Variants in KCTD16 observed in about 807,000 individuals in gnomAD.
KCTD16 encodes potassium channel tetramerization domain containing 16.
A neutral mutation model predicts 33.2 loss-of-function variants in KCTD16; 13 were observed. That is an observed-to-expected ratio of 0.39 (90% CI 0.25 to 0.62). KCTD16 has a LOEUF of 0.62. KCTD16 is among the 20% of genes least tolerant of loss of function. The probability of loss-of-function intolerance (pLI) is 0.50; values close to 1 mark genes in which losing one functional copy is unlikely to be tolerated. For synonymous variants in KCTD16, 197 were observed against 195.3 expected (o/e 1.01, Z -0.07); for missense variants, 441 against 525.1 (o/e 0.84, Z 1.57).
intron 2 of KCTD16, among the ~76,000 whole-genome samples, chr5:144,205,050 A>G (rs1291187234): frequency 6.6e-6 from 1 of 152,100 alleles, no homozygotes; most frequent in East Asian, 1.9e-4. Context: ...AGTTGTGTTT[A>G]TCTCACAACT....
chr5:144,253,077 A>G (rs1420680673), intron 3 of KCTD16, among the ~76,000 whole-genome samples: 2 of 152,020 alleles, frequency 1.3e-5, no homozygotes, highest in East Asian at 1.9e-4. Context: ...AGATATATCC[A>G]TATGGAAAGG....
At chr5:144,460,916 C>A (rs184813344) in intron 3 of KCTD16, among the ~76,000 whole-genome samples, 1 of 151,988 alleles carries the variant, frequency 6.6e-6, no homozygotes, top group Non-Finnish European at 1.5e-5. Context: ...ATACAAATAC[C>A]AGATACCATG....
chr5:144,267,996 G>A (rs1285284597), intron 3 of KCTD16, among the ~76,000 whole-genome samples: 1 of 152,152 alleles, frequency 6.6e-6, no homozygotes, highest in Non-Finnish European at 1.5e-5. Flanking sequence ...TAATTGCACT[G>A]GTAGAATGTG....
intron 3 of KCTD16, among the ~76,000 whole-genome samples, chr5:144,345,004 A>T (rs1219345886): frequency 6.6e-6 from 1 of 151,816 alleles, no homozygotes. Context: ...GCACATATAC[A>T]CCATGGAATA....
At chr5:144,198,512 C>T (rs1253927128) in intron 2 of KCTD16, among the ~76,000 whole-genome samples, 1 of 152,184 alleles carries the variant, frequency 6.6e-6, no homozygotes, top group African/African-American at 2.4e-5. Flanking sequence ...GCCCTTCTTA[C>T]TTCCTGCTGT....
At chr5:144,299,044 C>CTCTATATA (rs1756126239) in intron 3 of KCTD16, among the ~76,000 whole-genome samples, 1 of 35,960 alleles carries the variant, frequency 2.8e-5, no homozygotes, top group Non-Finnish European at 5.6e-5. Flanking sequence ...AAACAGATCA[C>CTCTATATA]TATATATATA....
At chr5:144,222,965 A>G (rs1753808426) in intron 3 of KCTD16, among the ~76,000 whole-genome samples, 1 of 152,216 alleles carries the variant, frequency 6.6e-6, no homozygotes, top group African/African-American at 2.4e-5. Flanking sequence ...TGCAGCTGTA[A>G]AAAAGGATGA....
chr5:144,260,042 G>A (rs931137234), intron 3 of KCTD16, among the ~76,000 whole-genome samples: 3 of 152,214 alleles, frequency 2.0e-5, no homozygotes, highest in African/African-American at 7.2e-5. Flanking sequence ...TGCATGAAAT[G>A]AAAGGCATCT....
At chr5:144,399,355 G>T (rs1221390902) in intron 3 of KCTD16, among the ~76,000 whole-genome samples, 1 of 151,768 alleles carries the variant, frequency 6.6e-6, no homozygotes, top group African/African-American at 2.4e-5. Flanking sequence ...GTAGAATCTA[G>T]GGTTAGTGCA....
intron 3 of KCTD16, among the ~76,000 whole-genome samples, chr5:144,339,368 C>G (rs1189731774): frequency 6.6e-6 from 1 of 152,184 alleles, no homozygotes; most frequent in Non-Finnish European, 1.5e-5. Flanking sequence ...CTTTGTACAA[C>G]TATTATTCGA....
intron 3 of KCTD16, among the ~76,000 whole-genome samples, chr5:144,424,447 C>A (rs550741868): frequency 1.3e-5 from 2 of 152,168 alleles, no homozygotes; most frequent in South Asian, 4.1e-4. Context: ...CCACTGATGG[C>A]TTCCCAGCTG....
In KCTD16 at chr5:144,207,171, C is replaced by A. The variant is rs776180589; in HGVS notation, c.457C>A (p.Pro153Thr). The A allele has an allele frequency of 7.3e-5, 117 of 1,612,734 alleles. No individual in the cohort carries two copies. The highest frequency in any genetic ancestry group is 9.8e-5 in the Non-Finnish European group (116 of 1,179,486). ...AGGAAGCGACACAAGAATCTGCCCC[C>A]CTTCCTCCCTGCTCCCTGCCGACCG... ...SQGSDTRICP[P>T]SSLLPADRKW... Residue 153 changes from proline to threonine, a missense_variant, in exon 3 of 4, where the codon CCT becomes ACT. Pro to Thr is a conservative substitution (Grantham distance 38). Transcript: ENST00000512467.
intron 3 of KCTD16, among the ~76,000 whole-genome samples, chr5:144,315,332 T>G (rs899038683): frequency 1.3e-5 from 2 of 152,198 alleles, no homozygotes; most frequent in Non-Finnish European, 2.9e-5. Context: ...TCGTTTCTTC[T>G]TTTGAAACAA....
chr5:144,431,979 T>G (rs1406049138), intron 3 of KCTD16, among the ~76,000 whole-genome samples: 1 of 152,158 alleles, frequency 6.6e-6, no homozygotes, highest in Non-Finnish European at 1.5e-5. Context: ...TGTAAATCAT[T>G]TTAAGCACTC....
At chr5:144,304,823 C>G (rs982596355) in intron 3 of KCTD16, among the ~76,000 whole-genome samples, 5 of 152,130 alleles carry the variant, frequency 3.3e-5, no homozygotes, top group African/African-American at 1.2e-4. Context: ...CTGTCACTGT[C>G]TTGACTAATG....
At chr5:144,464,569 G>T (rs1215165055) in intron 3 of KCTD16, among the ~76,000 whole-genome samples, 1 of 152,168 alleles carries the variant, frequency 6.6e-6, no homozygotes, top group African/African-American at 2.4e-5. Flanking sequence ...CCCTGACTTA[G>T]AGTGTTATTA....
intron 3 of KCTD16, among the ~76,000 whole-genome samples, chr5:144,250,748 C>T (rs115197323): frequency 2.6e-5 from 4 of 152,054 alleles, no homozygotes; most frequent in Non-Finnish European, 4.4e-5. Context: ...CCTTGCTAAG[C>T]CTTTGTTTCA....
At chr5:144,316,896 C>T (rs1446244611) in intron 3 of KCTD16, among the ~76,000 whole-genome samples, 8 of 139,480 alleles carry the variant, frequency 5.7e-5, no homozygotes, top group African/African-American at 2.2e-4. Context: ...GGTGTGATCT[C>T]GGCTCACTGC....
chr5:144,454,842 G>A (rs548804063), intron 3 of KCTD16, among the ~76,000 whole-genome samples: 3 of 152,176 alleles, frequency 2.0e-5, no homozygotes, highest in South Asian at 2.1e-4. Flanking sequence ...TTCCTGAAAC[G>A]GAATAGGGTG....
Sources: allele counts gnomAD v4.1 joint callset (sites outside exome capture counted in the v4.1 genomes callset), GRCh38; gene constraint gnomAD v4.1.1; transcripts MANE v1.5; gene names NCBI Gene and HGNC (gene_info 2026-07-23, HGNC 2026-07-21).